SIM1: variants seen among roughly 807,000 people sequenced by gnomAD.
The protein encoded by SIM1 is SIM bHLH transcription factor 1, also known as single-minded homolog 1.
A neutral mutation model predicts 78.2 loss-of-function variants in SIM1; 18 were observed. The observed-to-expected ratio is 0.23, with a 90% CI of 0.16 to 0.34. SIM1 has a LOEUF of 0.34. Ranked by LOEUF, SIM1 falls within the 10% of genes least tolerant of loss-of-function variation. The probability of loss-of-function intolerance (pLI) is 1.00; values close to 1 mark genes in which losing one functional copy is unlikely to be tolerated. For synonymous variants in SIM1, 417 were observed against 385.2 expected (o/e 1.08, Z -0.97); for missense variants, 939 against 975.1 (o/e 0.96, Z 0.49).
At chr6:100,412,683 A>AAAAGAAAGAAAGAAAAAG (rs1771260289) in intron 10 of SIM1, among the ~76,000 whole-genome samples, 1 of 77,044 alleles carries the variant, frequency 1.3e-5, no homozygotes, top group African/African-American at 4.9e-5. Flanking sequence ...GAAAGAAAGA[A>AAAAGAAAGAAAGAAAAAG]AAAGAAAGAA....
intron 6 of SIM1, 99 bp downstream of exon 6, chr6:100,449,263 TG>T: frequency 1.0e-6 from 1 of 966,776 alleles, no homozygotes; most frequent in Non-Finnish European, 1.6e-6. Context: ...GGGGTGCCCT[TG>T]CGGGTAGTCC....
rs975058672 is a variant in SIM1 at position 100,453,966 on chromosome 6, C to T, written c.176-122G>A. The T allele has an allele frequency of 1.8e-5, 11 of 595,162 alleles. No homozygotes were observed. The East Asian group carries it at 2.0e-4, about 11-fold the overall frequency. The allele number at this position is 595,162 out of a possible 1,614,324, so 36.9% of individuals were successfully genotyped here. On this transcript the variant is annotated intron_variant, in intron 2 of 11. Transcript: ENST00000369208. Reference sequence around the variant, plus strand: ...CTTTGACTGGATACCATAGGGGATCCCTCTCAAAGTGGACAGCGGGGGATG... The same window carrying T: ...CTTTGACTGGATACCATAGGGGATCTCTCTCAAAGTGGACAGCGGGGGATG...
chr6:100,409,690 C>T (rs1004824498), intron 10 of SIM1, among the ~76,000 whole-genome samples: 2 of 151,990 alleles, frequency 1.3e-5, no homozygotes, highest in East Asian at 1.9e-4. Context: ...CCTATTAAAA[C>T]TGCTTTTGCT....
chr6:100,424,576 C>T lies in SIM1; in HGVS notation c.999-3618G>A, dbSNP rs369094301. Among the ~76,000 whole-genome samples the T allele has an allele frequency of 2.6e-5, 4 of 152,158 alleles. No homozygotes were observed. The East Asian group carries it at 5.8e-4, about 22-fold the overall frequency. ...TCAGCCTCCCAAGTTGCTGGGACTA[C>T]AGGCATGCACCACCATGCTCAACTG... On this transcript the variant is annotated intron_variant, in intron 9 of 11. Coordinates refer to ENST00000369208, the MANE Select transcript of SIM1 (RefSeq NM_005068.3).
chr6:100,398,183 T>C (rs768946261), intron 10 of SIM1, among the ~76,000 whole-genome samples: 31 of 152,296 alleles, frequency 2.0e-4, no homozygotes, highest in Middle Eastern at 6.8e-3. Context: ...ACTATATTCA[T>C]ATAAAACTTG....
intron 9 of SIM1, among the ~76,000 whole-genome samples, chr6:100,437,090 T>C (rs1562250200): frequency 6.6e-6 from 1 of 152,152 alleles, no homozygotes; most frequent in South Asian, 2.1e-4. Context: ...AATTTGTCCA[T>C]AGTCACTGGG....
intron 9 of SIM1, among the ~76,000 whole-genome samples, chr6:100,430,496 AATATTAATATC>A (rs1444747678): frequency 6.6e-6 from 1 of 152,184 alleles, no homozygotes; most frequent in Admixed American, 6.5e-5. Flanking sequence ...AAGAAAAAGT[AATATTAATATC>A]ATATTAATAT....
chr6:100,456,875 G>A (rs1772677693), intron 2 of SIM1, among the ~76,000 whole-genome samples: 1 of 152,200 alleles, frequency 6.6e-6, no homozygotes, highest in African/African-American at 2.4e-5. Flanking sequence ...TCAATGGACT[G>A]ACTGCACGGG....
At position 100,390,555 on chromosome 6, in the gene SIM1, G is replaced by A. The variant is rs532142781; in HGVS notation, c.2107C>T (p.Arg703Trp). ...TVSPNCFGSH[R>W]QYFDKHAYTL... ...TAAGCATGCTTGTCAAAATACTGCCGGTGAGAGCCAAAGCAGTTTGGAGAG... is the reference window on the plus strand; with the variant it reads ...TAAGCATGCTTGTCAAAATACTGCCAGTGAGAGCCAAAGCAGTTTGGAGAG... The change falls in exon 12 of 12, where the codon CGG (arginine) becomes TGG (tryptophan). Residue 703 changes from arginine (R) to tryptophan (W), a missense_variant. This residue lies in a region of SIM1 where 556 missense variants were observed against 521.9 expected (regional missense o/e 1.07). Transcript: ENST00000369208. The A allele has an allele frequency of 3.2e-5, 51 of 1,614,122 alleles. No homozygotes were observed. In the African/African-American group the frequency reaches 3.3e-4, roughly 11 times the overall value.
intron 9 of SIM1, among the ~76,000 whole-genome samples, chr6:100,433,445 T>C (rs919383591): frequency 7.2e-5 from 11 of 152,164 alleles, no homozygotes; most frequent in Non-Finnish European, 1.3e-4. Flanking sequence ...CTTCCTTCAT[T>C]TATGAATCTT....
At chr6:100,396,913 G>T (rs1770782265) in intron 10 of SIM1, among the ~76,000 whole-genome samples, 2 of 152,112 alleles carry the variant, frequency 1.3e-5, no homozygotes, top group Non-Finnish European at 2.9e-5. Context: ...TGCAGTAGTG[G>T]GTTAGATTAG....
chr6:100,461,287 A>G (rs997751475), intron 2 of SIM1, among the ~76,000 whole-genome samples: 36 of 152,348 alleles, frequency 2.4e-4, no homozygotes, highest in African/African-American at 8.4e-4. Context: ...TTATGCAAAA[A>G]GGCTTGCTCT....
In SIM1 at chr6:100,463,298, T is replaced by A. The variant is rs1582333201; in HGVS notation, c.171A>T (p.Pro57=). Reference sequence around the variant, plus strand: ...CATCTGGGCAAAGTCACTTACCTTCTGGGAACACCACTCTCATTTTGAGAT... The same window carrying A: ...CATCTGGGCAAAGTCACTTACCTTCAGGGAACACCACTCTCATTTTGAGAT... ...TSYLKMRVVF[P]EGLGEAWGHS... The change falls in exon 2 of 12, where the codon CCA becomes CCT. Residue 57 remains proline (P), a synonymous_variant. Coordinates refer to ENST00000369208, the MANE Select transcript of SIM1 (RefSeq NM_005068.3). The A allele has an allele frequency of 5.6e-6, 9 of 1,607,706 alleles. No homozygotes were observed. Among genetic ancestry groups the A allele is most frequent in the Non-Finnish European group, 7.7e-6 (9 of 1,174,830 alleles).
chr6:100,436,865 A>G (rs921209616), intron 9 of SIM1, among the ~76,000 whole-genome samples: 3 of 151,194 alleles, frequency 2.0e-5, no homozygotes, highest in Non-Finnish European at 4.4e-5. Context: ...CAGCCTCCCA[A>G]GTAGCTAGGA....
intron 10 of SIM1, among the ~76,000 whole-genome samples, chr6:100,414,252 C>T (rs962243185): frequency 6.6e-6 from 1 of 152,182 alleles, no homozygotes; most frequent in Non-Finnish European, 1.5e-5. Flanking sequence ...GAAATTGTGG[C>T]CTTGAGGCCC....
chr6:100,393,341 T>C, intron 11 of SIM1, 146 bp downstream of exon 11: 1 of 662,440 alleles, frequency 1.5e-6, no homozygotes, highest in Non-Finnish European at 2.2e-6. Flanking sequence ...AATTAATAAC[T>C]GAGTGAACTT....
At chr6:100,453,714 A>C (rs1228521815) in intron 3 of SIM1, 48 bp downstream of exon 3, 2 of 1,352,152 alleles carry the variant, frequency 1.5e-6, no homozygotes, top group African/African-American at 1.5e-5. Context: ...AGGGCCAGGC[A>C]CTCAGACCCT....
intron 10 of SIM1, among the ~76,000 whole-genome samples, chr6:100,407,530 C>G (rs201183381): frequency 6.6e-6 from 1 of 151,960 alleles, no homozygotes; most frequent in Non-Finnish European, 1.5e-5. Context: ...ACTTTCATAC[C>G]ATTTTACATA....
intron 2 of SIM1, among the ~76,000 whole-genome samples, chr6:100,461,017 T>A (rs1582330433): frequency 7.2e-6 from 1 of 139,258 alleles, no homozygotes; most frequent in African/African-American, 2.7e-5. Context: ...ACATCGTCCA[T>A]CCCCTCCTCC....
Sources: gnomAD v4.1 joint callset for allele counts (sites outside exome capture counted in the v4.1 genomes callset) on GRCh38, gnomAD v4.1.1 for gene constraint, gnomAD v4.1.1 regional missense constraint, MANE v1.5 for transcripts, NCBI Gene and HGNC (gene_info 2026-07-23, HGNC 2026-07-21) for gene names.